SRGAP2: variants seen among roughly 807,000 people sequenced by gnomAD.
SRGAP2 encodes the protein SLIT-ROBO Rho GTPase-activating protein 2.
A neutral mutation model predicts 57.2 loss-of-function variants in SRGAP2; 15 were observed. The ratio of observed to expected loss-of-function variants is 0.26; its 90% CI spans 0.18 to 0.40. The LOEUF (loss-of-function observed/expected upper bound fraction) is 0.40, where lower values mean the gene tolerates loss of function less well. SRGAP2 is among the 10% of genes least tolerant of loss of function. SRGAP2 has a pLI of 1.00. For synonymous variants in SRGAP2, 249 were observed against 248.0 expected (o/e 1.00, Z -0.04); for missense variants, 520 against 669.6 (o/e 0.78, Z 2.47).
chr1:206,352,422 GT>G (rs1676102757), intron 4 of SRGAP2, among the ~76,000 whole-genome samples: 1 of 25,916 alleles, frequency 3.9e-5, no homozygotes. Context: ...TTTTTGCAAA[GT>G]TTTTTTCCTA....
chr1:206,274,818 C>T (rs1444125927), intron 2 of SRGAP2, among the ~76,000 whole-genome samples: 1 of 152,074 alleles, frequency 6.6e-6, no homozygotes, highest in Non-Finnish European at 1.5e-5. Context: ...TTTTTTCTCT[C>T]CACCTCAGTC....
intron 2 of SRGAP2, among the ~76,000 whole-genome samples, chr1:206,222,889 GCCT>G (rs1667087240): frequency 6.7e-6 from 1 of 149,108 alleles, no homozygotes. Context: ...ATAATATATG[GCCT>G]CCTCCCAAGT....
chr1:206,307,720 G>A (rs1672332422), intron 3 of SRGAP2, among the ~76,000 whole-genome samples: 1 of 152,246 alleles, frequency 6.6e-6, no homozygotes, highest in Non-Finnish European at 1.5e-5. Flanking sequence ...ATTGCCCGGG[G>A]CCAGCAGGGC....
intron 2 of SRGAP2, among the ~76,000 whole-genome samples, chr1:206,253,165 G>A (rs1668944284): frequency 1.3e-5 from 2 of 151,360 alleles, no homozygotes. Context: ...CTGGTCTGTC[G>A]AGGAGAACGC....
In SRGAP2 at chr1:206,454,983, T is replaced by C. The variant is rs1553377852; in HGVS notation, c.2466T>C (p.Ser822=). ...CCAGAGCGGGGGCCAGCTGTCCCAG[T>C]GGGGGTCATGTAGCCGATATTTATC... ...VTARAGASCP[S]GGHVADIYLA... is the part of the protein sequence containing the mutation. The change falls in exon 21 of 23, where the codon AGT becomes AGC. Residue 822 remains serine (S), a synonymous_variant. Coordinates refer to ENST00000573034, the MANE Select transcript of SRGAP2 (RefSeq NM_015326.5). This position sits in a 1 kb window ranked among gnomAD's most constrained non-coding sequence, Gnocchi z 4.3. 2 of 780,890 alleles carry C rather than the reference T, an allele frequency of 2.6e-6. No individual in the cohort carries two copies. The highest frequency in any genetic ancestry group is 3.4e-5 in the Admixed American group (2 of 59,046). 48.4% of individuals were successfully genotyped at this position (780,890 alleles called of 1,614,324 possible). A position where few individuals can be genotyped will look rare whatever the true frequency, so the allele number is the denominator to read the frequency against.
At chr1:206,346,892 A>G (rs1284080779) in intron 4 of SRGAP2, among the ~76,000 whole-genome samples, 3 of 152,228 alleles carry the variant, frequency 2.0e-5, no homozygotes, top group African/African-American at 7.2e-5. Context: ...ATAATTTTAT[A>G]AAGTAGTTAC....
intron 2 of SRGAP2, among the ~76,000 whole-genome samples, chr1:206,209,795 G>T (rs570596377): frequency 6.6e-6 from 1 of 151,520 alleles, no homozygotes; most frequent in Non-Finnish European, 1.5e-5. Flanking sequence ...TGGTATTTGC[G>T]TATAACCTAT....
intron 3 of SRGAP2, among the ~76,000 whole-genome samples, chr1:206,331,436 G>T (rs1674346290): frequency 1.1e-5 from 1 of 87,812 alleles, no homozygotes; most frequent in Non-Finnish European, 2.2e-5. Flanking sequence ...TTAATGTGTG[G>T]GAGTCTAAGT....
chr1:206,419,455 A>G, intron 12 of SRGAP2, 55 bp downstream of exon 12: 2 of 780,184 alleles, frequency 2.6e-6, no homozygotes, highest in Admixed American at 1.7e-5. Context: ...TGGGTAGAGC[A>G]ATCTTACTCT....
intron 2 of SRGAP2, among the ~76,000 whole-genome samples, chr1:206,255,364 A>G (rs1180859242): frequency 1.4e-5 from 2 of 143,208 alleles, no homozygotes; most frequent in African/African-American, 5.2e-5. Context: ...TTCCTATTGC[A>G]ATTCATGAGT....
chr1:206,354,027 A>G (rs1417605257), intron 4 of SRGAP2, among the ~76,000 whole-genome samples: 3 of 151,946 alleles, frequency 2.0e-5, no homozygotes, highest in African/African-American at 7.3e-5. Flanking sequence ...TGGGGCTCAA[A>G]TGATCCTTCC....
Position 206,415,970 on chromosome 1 carries a change from G to A in SRGAP2, c.1438G>A (p.Glu480Lys). The A allele has an allele frequency of 1.3e-6, 1 of 780,236 alleles. No homozygotes were observed. The highest frequency in any genetic ancestry group is 2.4e-5 in the East Asian group (1 of 41,204). The allele number at this position is 780,236 out of a possible 1,614,324, so 48.3% of individuals were successfully genotyped here. The part of the protein sequence containing the change: ...KHDLLQKTLG[E>K]SQRTDCSLAR... Reference sequence around the variant, plus strand: ...TGACCTTCTGCAGAAAACCCTGGGAGAAAGTGAGTGTGGGAACCCTCTGCT... The same window carrying A: ...TGACCTTCTGCAGAAAACCCTGGGAAAAAGTGAGTGTGGGAACCCTCTGCT... The change falls in exon 11 of 23, where the codon GAA becomes AAA. Residue 480 changes from glutamate to lysine, a missense_variant. Around this residue, in one of 5 missense-constraint regions of SRGAP2, gnomAD observed 478 missense variants for 373.6 expected, o/e 1.28. Coordinates refer to ENST00000573034, the MANE Select transcript of SRGAP2 (RefSeq NM_015326.5).
intron 4 of SRGAP2, among the ~76,000 whole-genome samples, chr1:206,344,047 T>G (rs1304236988): frequency 6.6e-6 from 1 of 152,144 alleles, no homozygotes; most frequent in African/African-American, 2.4e-5. Context: ...GAGAAAAGAC[T>G]GGTAAACAGG....
At chr1:206,292,492 A>G (rs1198450768) in intron 2 of SRGAP2, among the ~76,000 whole-genome samples, 2 of 151,448 alleles carry the variant, frequency 1.3e-5, no homozygotes. Flanking sequence ...AGTTGTGTTC[A>G]TCTGGGGTGA....
At chr1:206,420,750 A>G (rs1193196320) in intron 12 of SRGAP2, among the ~76,000 whole-genome samples, 1 of 152,192 alleles carries the variant, frequency 6.6e-6, no homozygotes, top group East Asian at 1.9e-4. Flanking sequence ...GACCTAGAGG[A>G]TTCTCAAGGT....
chr1:206,325,804 G>A (rs1259862983), intron 3 of SRGAP2, among the ~76,000 whole-genome samples: 2 of 152,092 alleles, frequency 1.3e-5, no homozygotes, highest in Non-Finnish European at 2.9e-5. Context: ...ATTTTTTGGT[G>A]TGCATAAAAT....
chr1:206,359,796 C>CCCTTTT (rs1558345475), intron 4 of SRGAP2, among the ~76,000 whole-genome samples: 2 of 103,664 alleles, frequency 1.9e-5, no homozygotes, highest in African/African-American at 9.5e-5. Context: ...AGGGATATTG[C>CCCTTTT]TCTTTTTTTT....
intron 13 of SRGAP2, among the ~76,000 whole-genome samples, chr1:206,423,643 T>C (rs1461647250): frequency 2.0e-5 from 3 of 152,228 alleles, no homozygotes; most frequent in African/African-American, 7.2e-5. Context: ...TCAAGATTTG[T>C]ATTTTCTCCC....
Position 206,322,145 on chromosome 1 carries a change from T to C in SRGAP2, c.260+18672T>C, listed in dbSNP as rs199510620. ...ATCATATCAGTATCTTTCATTCCAATCCAATACCACATGTTTTATTTAATT... is the reference window on the plus strand; with the variant it reads ...ATCATATCAGTATCTTTCATTCCAACCCAATACCACATGTTTTATTTAATT... On this transcript the variant is annotated intron_variant, in intron 3 of 22. Transcript: ENST00000573034. Among the ~76,000 whole-genome samples the C allele has an allele frequency of 8.8e-4, 133 of 150,720 alleles. 6 individuals carry two copies. The East Asian group carries it at 0.025, about 28-fold the overall frequency.
Sources: gnomAD v4.1 joint callset for allele counts (sites outside exome capture counted in the v4.1 genomes callset) on GRCh38, gnomAD v4.1.1 for gene constraint, gnomAD v4.1.1 regional missense constraint, Gnocchi (gnomAD v3.1) non-coding constraint, MANE v1.5 for transcripts, NCBI Gene and HGNC (gene_info 2026-07-23, HGNC 2026-07-21) for gene names.